Variants in CNTN5 observed in about 807,000 individuals in gnomAD.
The protein encoded by CNTN5 is contactin 5, also known as contactin-5.
A neutral mutation model predicts 129.1 loss-of-function variants in CNTN5; 77 were observed. The observed-to-expected ratio is 0.60, with a 90% confidence interval of 0.50 to 0.72. The LOEUF (loss-of-function observed/expected upper bound fraction) is 0.72. Among genes scored for constraint, CNTN5 ranks in the 30% least tolerant of loss-of-function variants. The pLI, the probability that CNTN5 is intolerant of heterozygous loss-of-function variation, is 0.00. For missense variants in CNTN5, 1,478 were observed against 1,328.8 expected (o/e 1.11, Z -1.75); for synonymous variants, 509 against 465.6 (o/e 1.09, Z -1.20).
intron 3 of CNTN5, among the ~76,000 whole-genome samples, chr11:99,608,048 T>C (rs886668596): frequency 6.9e-6 from 1 of 145,738 alleles, no homozygotes; most frequent in Non-Finnish European, 1.5e-5. Flanking sequence ...CATGTATACA[T>C]ATGTAACTAA....
At chr11:99,203,880 G>A (rs772269914) in intron 1 of CNTN5, among the ~76,000 whole-genome samples, 12 of 152,110 alleles carry the variant, frequency 7.9e-5, no homozygotes, top group Non-Finnish European at 1.5e-4. Context: ...TTACAGGCGT[G>A]AGCCACCAAG....
intron 1 of CNTN5, among the ~76,000 whole-genome samples, chr11:99,186,824 G>T (rs1319269300): frequency 1.3e-5 from 2 of 151,952 alleles, no homozygotes; most frequent in Non-Finnish European, 2.9e-5. Context: ...ATGGCTGAAA[G>T]GAGAAGCCTG....
intron 9 of CNTN5, among the ~76,000 whole-genome samples, chr11:100,013,673 A>G (rs1196375733): frequency 6.6e-6 from 1 of 152,160 alleles, no homozygotes; most frequent in African/African-American, 2.4e-5. Context: ...TTGGATTTCT[A>G]AAAGTGTTAT....
intron 1 of CNTN5, among the ~76,000 whole-genome samples, chr11:99,084,546 T>G (rs1335476454): frequency 6.6e-6 from 1 of 152,198 alleles, no homozygotes; most frequent in Non-Finnish European, 1.5e-5. Flanking sequence ...TGTTATGTTT[T>G]CAGACTGTTG....
intron 2 of CNTN5, among the ~76,000 whole-genome samples, chr11:99,505,772 G>C (rs979087606): frequency 6.6e-6 from 1 of 152,126 alleles, no homozygotes; most frequent in Non-Finnish European, 1.5e-5. Flanking sequence ...CTCCAGGTTA[G>C]TAAAAATGCA....
intron 13 of CNTN5, among the ~76,000 whole-genome samples, chr11:100,125,182 A>T (rs945981537): frequency 6.6e-6 from 1 of 151,964 alleles, no homozygotes; most frequent in Non-Finnish European, 1.5e-5. Context: ...AGTTTTTTTC[A>T]ACTTTTATTT....
intron 9 of CNTN5, among the ~76,000 whole-genome samples, chr11:100,049,928 C>T (rs1180513154): frequency 3.9e-5 from 6 of 152,110 alleles, no homozygotes; most frequent in Non-Finnish European, 8.8e-5. Flanking sequence ...CAATGAGATA[C>T]CATCTCACAC....
chr11:99,727,505 C>T (rs1006435403), intron 3 of CNTN5, among the ~76,000 whole-genome samples: 5 of 151,654 alleles, frequency 3.3e-5, no homozygotes, highest in African/African-American at 9.7e-5. Context: ...ATTATATTAT[C>T]CCATCCTTAA....
At chr11:99,994,789 A>T (rs2137432100) in intron 8 of CNTN5, among the ~76,000 whole-genome samples, 1 of 152,302 alleles carries the variant, frequency 6.6e-6, no homozygotes. Flanking sequence ...CAAGTAAGAG[A>T]GCATTAAAGA....
chr11:99,233,869 C>T (rs1444349960), intron 1 of CNTN5, among the ~76,000 whole-genome samples: 5 of 152,000 alleles, frequency 3.3e-5, no homozygotes, highest in Non-Finnish European at 7.4e-5. Context: ...TGGTGTGAAC[C>T]CGGAAGGCGG....
At chr11:99,516,955 G>A (rs1159316030) in intron 2 of CNTN5, among the ~76,000 whole-genome samples, 1 of 152,082 alleles carries the variant, frequency 6.6e-6, no homozygotes, top group Non-Finnish European at 1.5e-5. Flanking sequence ...CACTAATTGT[G>A]ATTGACATGA....
intron 9 of CNTN5, among the ~76,000 whole-genome samples, chr11:100,013,253 T>A (rs770574): frequency 0.56 from 84,949 of 151,856 alleles, 24,266 homozygotes; most frequent in East Asian, 0.93. Flanking sequence ...CATTAGTCAG[T>A]TAATGATTAC....
chr11:99,176,184 C>T (rs527388745), intron 1 of CNTN5, among the ~76,000 whole-genome samples: 2 of 152,096 alleles, frequency 1.3e-5, no homozygotes, highest in Non-Finnish European at 2.9e-5. Flanking sequence ...ATCACTTTGT[C>T]GTGTTTCTTT....
chr11:100,237,188 CAA>C (rs397977189), intron 16 of CNTN5, among the ~76,000 whole-genome samples: 5 of 71,128 alleles, frequency 7.0e-5, no homozygotes, highest in African/African-American at 4.9e-5. Flanking sequence ...GACTCCGTCT[CAA>C]AAAAAAAAAA....
At chr11:100,355,177 A>G (rs1454915901) in intron 24 of CNTN5, among the ~76,000 whole-genome samples, 5 of 151,782 alleles carry the variant, frequency 3.3e-5, no homozygotes, top group African/African-American at 9.7e-5. Context: ...TCTGTATTCT[A>G]TAAACTTTTT....
At chr11:99,942,996 G>A (rs1950474676) in intron 7 of CNTN5, among the ~76,000 whole-genome samples, 1 of 152,006 alleles carries the variant, frequency 6.6e-6, no homozygotes. Context: ...TGTAAACAGT[G>A]CTCCAATAAA....
At chr11:99,543,052 T>C (rs1381007449) in intron 2 of CNTN5, among the ~76,000 whole-genome samples, 1 of 152,200 alleles carries the variant, frequency 6.6e-6, no homozygotes, top group East Asian at 1.9e-4. Context: ...ATTAAATTTA[T>C]CCTTGATATA....
chr11:99,694,102 G>C (rs935713728), intron 3 of CNTN5, among the ~76,000 whole-genome samples: 1 of 151,922 alleles, frequency 6.6e-6, no homozygotes, highest in African/African-American at 2.4e-5. Context: ...AATGTAAAAT[G>C]TGAGAAAGGA....
intron 3 of CNTN5, among the ~76,000 whole-genome samples, chr11:99,738,899 C>T (rs1157210519): frequency 1.3e-5 from 2 of 152,094 alleles, no homozygotes; most frequent in East Asian, 1.9e-4. Flanking sequence ...ATTAGAATCA[C>T]CTCTAGCTTA....
Sources: allele counts gnomAD v4.1 joint callset (sites outside exome capture counted in the v4.1 genomes callset), GRCh38; gene constraint gnomAD v4.1.1; transcripts MANE v1.5; gene names NCBI Gene and HGNC (gene_info 2026-07-23, HGNC 2026-07-21).